DAB1: variants seen among roughly 807,000 people sequenced by gnomAD.
DAB1 encodes the protein DAB adaptor protein 1, also known as disabled homolog 1.
In DAB1, 15 loss-of-function variants were observed where a neutral mutation model predicts 64.6. The ratio of observed to expected loss-of-function variants is 0.23; its 90% CI spans 0.16 to 0.36. The LOEUF is 0.36. Among genes scored for constraint, DAB1 ranks in the 10% least tolerant of loss-of-function variants. DAB1 has a pLI of 1.00. For synonymous variants in DAB1, 235 were observed against 251.9 expected, an observed-to-expected ratio of 0.93 and a Z score of 0.64; for missense variants, 596 against 706.7, an observed-to-expected ratio of 0.84 and a Z score of 1.78.
intron 1 of DAB1, among the ~76,000 whole-genome samples, chr1:57,829,422 A>G (rs1425516340): frequency 6.6e-6 from 1 of 152,222 alleles, no homozygotes; most frequent in East Asian, 1.9e-4. Flanking sequence ...CAGTTTTCTC[A>G]TCTGCATAAG....
intron 2 of DAB1, among the ~76,000 whole-genome samples, chr1:57,168,841 A>AG: frequency 6.6e-6 from 1 of 152,288 alleles, no homozygotes; most frequent in South Asian, 2.1e-4. Flanking sequence ...GGATCATTTG[A>AG]GGGCAGGAGT....
chr1:58,248,808 C>T (rs1660670747), intron 4 of DAB1, among the ~76,000 whole-genome samples: 1 of 152,040 alleles, frequency 6.6e-6, no homozygotes, highest in South Asian at 2.1e-4. Context: ...CAAAAGGAAA[C>T]CCCACTCTGC....
intron 2 of DAB1, among the ~76,000 whole-genome samples, chr1:57,178,317 G>A (rs566235327): frequency 6.6e-6 from 1 of 150,608 alleles, no homozygotes; most frequent in Admixed American, 6.6e-5. Context: ...AAAAAAAATG[G>A]TCATAGCATA....
At chr1:57,881,505 C>T (rs532278965) in intron 1 of DAB1, among the ~76,000 whole-genome samples, 33 of 152,314 alleles carry the variant, frequency 2.2e-4, no homozygotes, top group Middle Eastern at 6.8e-3. Flanking sequence ...GAGAGAATTG[C>T]TTCACTTTTT....
intron 4 of DAB1, among the ~76,000 whole-genome samples, chr1:57,110,078 T>C (rs918000901): frequency 3.9e-5 from 6 of 152,316 alleles, no homozygotes; most frequent in Admixed American, 3.3e-4. Flanking sequence ...GAACACTTTA[T>C]GTTAATGGGC....
intron 4 of DAB1, among the ~76,000 whole-genome samples, chr1:58,171,657 T>A (rs973636171): frequency 3.9e-5 from 6 of 152,218 alleles, no homozygotes; most frequent in African/African-American, 1.4e-4. Flanking sequence ...ACATCCCAAC[T>A]TACATGGATG....
At chr1:57,464,212 A>G (rs192066427) in intron 7 of DAB1, among the ~76,000 whole-genome samples, 64 of 152,284 alleles carry the variant, frequency 4.2e-4, no homozygotes, top group African/African-American at 1.4e-3. Flanking sequence ...ATCAAGGCTT[A>G]AGGAAATTAT....
intron 5 of DAB1, among the ~76,000 whole-genome samples, chr1:58,090,061 T>G (rs1348252313): frequency 6.6e-6 from 1 of 152,188 alleles, no homozygotes; most frequent in Non-Finnish European, 1.5e-5. Context: ...CCAGCCTTGT[T>G]TCTTCATCTG....
At chr1:57,533,666 C>T (rs1364513992) in intron 7 of DAB1, among the ~76,000 whole-genome samples, 2 of 39,672 alleles carry the variant, frequency 5.0e-5, no homozygotes, top group Non-Finnish European at 1.8e-4. Context: ...TTCCTTGCAG[C>T]CAAAATTAAA....
At chr1:57,693,155 T>C (rs1646783660) in intron 6 of DAB1, among the ~76,000 whole-genome samples, 1 of 152,104 alleles carries the variant, frequency 6.6e-6, no homozygotes, top group Admixed American at 6.5e-5. Flanking sequence ...TTCACTGGCC[T>C]AAAGAGTTCC....
chr1:57,767,875 T>C (rs1204108330), intron 6 of DAB1, among the ~76,000 whole-genome samples: 4 of 151,962 alleles, frequency 2.6e-5, no homozygotes, highest in African/African-American at 7.2e-5. Context: ...ATAGGCATAG[T>C]GGTTAAGAGT....
At chr1:57,724,637 C>T (rs776521843) in intron 6 of DAB1, among the ~76,000 whole-genome samples, 54 of 152,260 alleles carry the variant, frequency 3.5e-4, no homozygotes, top group Non-Finnish European at 4.7e-4. Context: ...GGTCATCTTG[C>T]GGGCTCCCTT....
At chr1:57,452,029 C>T (rs79031930) in intron 7 of DAB1, among the ~76,000 whole-genome samples, 1,959 of 152,132 alleles carry the variant, frequency 0.013, 42 homozygotes, top group African/African-American at 0.043. Flanking sequence ...GTTTGAAAGA[C>T]GGCATATTCT....
chr1:58,465,731 T>C (rs1266885757), intron 3 of DAB1, among the ~76,000 whole-genome samples: 2 of 152,192 alleles, frequency 1.3e-5, no homozygotes, highest in Non-Finnish European at 2.9e-5. Context: ...ATACCATTTA[T>C]TGGGCACTTA....
At chr1:57,435,046 C>CTTTTTTTTTTTT (rs71580850) in intron 7 of DAB1, among the ~76,000 whole-genome samples, 33 of 93,064 alleles carry the variant, frequency 3.5e-4, no homozygotes, top group Non-Finnish European at 4.6e-4. Context: ...TTCTTTTTTT[C>CTTTTTTTTTTTT]TTTTTTTTTT....
chr1:57,815,390 A>C (rs1313448017), intron 6 of DAB1, among the ~76,000 whole-genome samples: 1 of 152,136 alleles, frequency 6.6e-6, no homozygotes, highest in Non-Finnish European at 1.5e-5. Context: ...TTCCAAACAA[A>C]ATAGAATTGG....
intron 2 of DAB1, among the ~76,000 whole-genome samples, chr1:57,204,952 G>T (rs917488913): frequency 6.6e-6 from 1 of 152,126 alleles, no homozygotes; most frequent in Admixed American, 6.5e-5. Context: ...TCAACACAGG[G>T]CTAAAAGATG....
intron 12 of DAB1, among the ~76,000 whole-genome samples, chr1:57,013,175 G>A (rs1247808172): frequency 6.6e-6 from 1 of 152,206 alleles, no homozygotes; most frequent in Non-Finnish European, 1.5e-5. Context: ...GGTTGCCAAC[G>A]ATGCTCTAAA....
chr1:58,229,278 A>G (rs1024090013), intron 4 of DAB1, among the ~76,000 whole-genome samples: 7 of 152,216 alleles, frequency 4.6e-5, no homozygotes, highest in Non-Finnish European at 1.0e-4. Context: ...CTAAAAGTTA[A>G]AATTGTTACC....
Sources: gnomAD v4.1 joint callset for allele counts (sites outside exome capture counted in the v4.1 genomes callset) on GRCh38, gnomAD v4.1.1 for gene constraint, MANE v1.5 for transcripts, NCBI Gene and HGNC (gene_info 2026-07-23, HGNC 2026-07-21) for gene names.